SYNPO2: variants seen among roughly 807,000 people sequenced by gnomAD.
SYNPO2 encodes the protein synaptopodin 2.
SYNPO2 carries 56 observed loss-of-function variants against 85.0 expected under a neutral mutation model. That is an observed-to-expected ratio of 0.66 (90% CI 0.53 to 0.82). SYNPO2 has a LOEUF of 0.82. Among genes scored for constraint, SYNPO2 ranks in the 40% least tolerant of loss-of-function variants. The probability of loss-of-function intolerance (pLI) is 0.00; values close to 1 mark genes in which losing one functional copy is unlikely to be tolerated. For synonymous variants in SYNPO2, 602 were observed against 591.1 expected, an observed-to-expected ratio of 1.02 and a Z score of -0.27; for missense variants, 1,575 against 1,534.2, an observed-to-expected ratio of 1.03 and a Z score of -0.44.
At chr4:119,050,921 C>T (rs1006226743) in intron 4 of SYNPO2, among the ~76,000 whole-genome samples, 2 of 152,190 alleles carry the variant, frequency 1.3e-5, no homozygotes, top group Middle Eastern at 3.2e-3. Flanking sequence ...TTTATGTACA[C>T]ACATCTACTT....
intron 4 of SYNPO2, among the ~76,000 whole-genome samples, chr4:119,052,691 G>A (rs993961692): frequency 1.3e-5 from 2 of 152,200 alleles, no homozygotes; most frequent in Non-Finnish European, 2.9e-5. Flanking sequence ...GCTGGGGAAG[G>A]AGAGGAGATT....
At chr4:119,002,822 C>T (rs530341404) in intron 1 of SYNPO2, among the ~76,000 whole-genome samples, 254 of 151,884 alleles carry the variant, frequency 1.7e-3, no homozygotes, top group African/African-American at 6.0e-3. Context: ...TTCTACCCTC[C>T]CACCTAATTG....
chr4:118,918,092 A>G (rs973977668), intron 1 of SYNPO2, among the ~76,000 whole-genome samples: 1 of 152,176 alleles, frequency 6.6e-6, no homozygotes, highest in Non-Finnish European at 1.5e-5. Context: ...AATCCTTCCC[A>G]TTCAGCTTTT....
chr4:119,040,273 C>A (rs1346222785), intron 4 of SYNPO2, among the ~76,000 whole-genome samples: 1 of 152,066 alleles, frequency 6.6e-6, no homozygotes, highest in Non-Finnish European at 1.5e-5. Flanking sequence ...AATATGAATC[C>A]CAGTTTGAGA....
Position 119,058,112 on chromosome 4 carries a change from A to C in SYNPO2, c.*178A>C. On this transcript the variant is annotated 3_prime_UTR_variant, in exon 5 of 5. Transcript: ENST00000307142. ...TGTGTGTGTGTATGTATGTGAATAT[A>C]CACACACACACACACACAGGTGAGT... 6.5e-6 allele frequency: 1 copy of C among 153,122 alleles called. No homozygotes were observed. Among genetic ancestry groups the C allele is most frequent in the Non-Finnish European group, 1.1e-5 (1 of 87,370 alleles). The allele number at this position is 153,122 out of a possible 1,614,324, so 9.5% of individuals were successfully genotyped here.
intron 1 of SYNPO2, among the ~76,000 whole-genome samples, chr4:119,012,056 A>G (rs1035317331): frequency 4.0e-5 from 6 of 151,078 alleles, no homozygotes; most frequent in African/African-American, 9.7e-5. Flanking sequence ...CTGAGTAGCT[A>G]GGATTACAGG....
intron 1 of SYNPO2, among the ~76,000 whole-genome samples, chr4:118,958,285 G>A (rs1310782038): frequency 6.6e-6 from 1 of 152,114 alleles, no homozygotes; most frequent in East Asian, 1.9e-4. Flanking sequence ...TTGGGGTTGG[G>A]GGCGGGGTGA....
intron 1 of SYNPO2, among the ~76,000 whole-genome samples, chr4:118,954,114 G>T (rs558615489): frequency 6.6e-6 from 1 of 152,038 alleles, no homozygotes; most frequent in South Asian, 2.1e-4. Context: ...TCACATACAG[G>T]TTTCATGATA....
At chr4:118,902,509 A>T (rs546177928) in intron 1 of SYNPO2, among the ~76,000 whole-genome samples, 2 of 152,112 alleles carry the variant, frequency 1.3e-5, no homozygotes, top group Non-Finnish European at 2.9e-5. Context: ...CACTACCAGG[A>T]GAATAGTATG....
intron 4 of SYNPO2, chr4:119,032,433 A>G: frequency 9.0e-7 from 1 of 1,108,660 alleles, no homozygotes; most frequent in East Asian, 6.6e-5. Flanking sequence ...AAAGGTTCAA[A>G]TGTAGTGAAG....
intron 1 of SYNPO2, among the ~76,000 whole-genome samples, chr4:118,860,999 G>T (rs1348235771): frequency 1.3e-5 from 2 of 151,924 alleles, no homozygotes; most frequent in African/African-American, 4.8e-5. Flanking sequence ...TCACTTTGTT[G>T]ACTGTTTCCT....
At chr4:118,910,370 A>C (rs1300931679) in intron 1 of SYNPO2, among the ~76,000 whole-genome samples, 2 of 152,196 alleles carry the variant, frequency 1.3e-5, no homozygotes, top group African/African-American at 2.4e-5. Flanking sequence ...TTGACCTTGC[A>C]TAACACGCCT....
chr4:119,002,900 T>G (rs1416446941), intron 1 of SYNPO2, among the ~76,000 whole-genome samples: 1 of 152,188 alleles, frequency 6.6e-6, no homozygotes, highest in Non-Finnish European at 1.5e-5. Flanking sequence ...GTATAGGCCC[T>G]TTATATCCAG....
chr4:119,038,599 C>T, intron 4 of SYNPO2: 1 of 971,584 alleles, frequency 1.0e-6, no homozygotes, highest in East Asian at 1.1e-4. Flanking sequence ...GAATCAGCAC[C>T]TAGCATGGCT....
intron 1 of SYNPO2, among the ~76,000 whole-genome samples, chr4:118,890,735 G>C (rs200407147): frequency 0.31 from 17,079 of 55,022 alleles, 1,028 homozygotes; most frequent in Non-Finnish European, 0.38. Flanking sequence ...CTCTCTCTCT[G>C]TGTGTGTGTG....
At position 118,925,779 on chromosome 4, in the gene SYNPO2, G is replaced by T. The variant is rs891328056; in HGVS notation, c.105+36638G>T. Reference sequence around the variant, plus strand: ...ATAAACAAGTGATGTATGCCTTCCTGCACAAACTTATGGGTGGGGTGTGTA... The same window carrying T: ...ATAAACAAGTGATGTATGCCTTCCTTCACAAACTTATGGGTGGGGTGTGTA... On this transcript the variant is annotated intron_variant, in intron 1 of 4. Coordinates refer to ENST00000307142, the MANE Select transcript of SYNPO2 (RefSeq NM_133477.3). Among the ~76,000 whole-genome samples the T allele has an allele frequency of 2.3e-4, 35 of 152,138 alleles. 2 individuals are homozygous for T. The highest frequency in any genetic ancestry group is 2.9e-5 in the Non-Finnish European group (2 of 68,020).
At chr4:119,042,833 A>T (rs1738756392) in intron 4 of SYNPO2, 1 of 152,228 alleles carries the variant, frequency 6.6e-6, no homozygotes, top group African/African-American at 2.4e-5. Context: ...CAAAACTTTG[A>T]GGCACTAAAG....
chr4:119,002,820 TC>T (rs1417503518), intron 1 of SYNPO2, among the ~76,000 whole-genome samples: 1 of 152,068 alleles, frequency 6.6e-6, no homozygotes, highest in Admixed American at 6.5e-5. Context: ...TATTCTACCC[TC>T]CCACCTAATT....
chr4:118,974,505 C>T (rs1735651092), intron 1 of SYNPO2, among the ~76,000 whole-genome samples: 1 of 152,240 alleles, frequency 6.6e-6, no homozygotes, highest in South Asian at 2.1e-4. Flanking sequence ...ACATCTATCC[C>T]TAATTGATAT....
Sources: gnomAD v4.1 joint callset for allele counts (sites outside exome capture counted in the v4.1 genomes callset) on GRCh38, gnomAD v4.1.1 for gene constraint, MANE v1.5 for transcripts, NCBI Gene and HGNC (gene_info 2026-07-23, HGNC 2026-07-21) for gene names.